The following C10orf90 variants were observed in gnomAD, a reference collection of about 807,000 sequenced individuals.
The protein encoded by C10orf90 is (E2-independent) E3 ubiquitin-conjugating enzyme FATS.
A neutral mutation model predicts 62.5 loss-of-function variants in C10orf90; 56 were observed. The ratio of observed to expected loss-of-function variants is 0.90; its 90% CI spans 0.72 to 1.12. The LOEUF (loss-of-function observed/expected upper bound fraction) is 1.12, where lower values mean the gene tolerates loss of function less well. Ranked by LOEUF, C10orf90 falls within the 50% of genes most tolerant of loss-of-function variation. The pLI is 0.00. For missense variants in C10orf90, 970 were observed against 880.4 expected (o/e 1.10, Z -1.29); for synonymous variants, 386 against 340.4 (o/e 1.13, Z -1.47).
At chr10:126,635,645 C>T (rs1337555218) in intron 2 of C10orf90, among the ~76,000 whole-genome samples, 1 of 152,170 alleles carries the variant, frequency 6.6e-6, no homozygotes, top group African/African-American at 2.4e-5. Context: ...GTCTGCACTC[C>T]CCTCCCAGAC....
chr10:126,555,302 T>C (rs549419836), intron 2 of C10orf90, among the ~76,000 whole-genome samples: 1 of 152,202 alleles, frequency 6.6e-6, no homozygotes, highest in Admixed American at 6.5e-5. Context: ...TAGAGCAGTA[T>C]CCAAGTACTA....
intron 2 of C10orf90, among the ~76,000 whole-genome samples, chr10:126,545,464 T>A (rs368264580): frequency 6.7e-6 from 1 of 150,206 alleles, no homozygotes; most frequent in Non-Finnish European, 1.5e-5. Flanking sequence ...GTCACTGATT[T>A]AAAAAAAAAA....
intron 7 of C10orf90, among the ~76,000 whole-genome samples, chr10:126,437,057 C>T (rs536202751): frequency 6.6e-6 from 1 of 152,272 alleles, no homozygotes; most frequent in African/African-American, 2.4e-5. Flanking sequence ...CACAGGGCAC[C>T]TATCCCCCAA....
intron 7 of C10orf90, among the ~76,000 whole-genome samples, chr10:126,447,296 C>CT (rs1161538484): frequency 6.6e-6 from 1 of 150,784 alleles, no homozygotes; most frequent in African/African-American, 2.4e-5. Context: ...AGGAGACTCA[C>CT]TTTAGCTTTA....
intron 4 of C10orf90, among the ~76,000 whole-genome samples, chr10:126,483,560 A>G (rs1049030699): frequency 8.5e-5 from 13 of 152,216 alleles, no homozygotes; most frequent in East Asian, 1.9e-4. Context: ...CCTAGTCAAC[A>G]TTGTCTGAAA....
chr10:126,460,771 C>T (rs1263904276), intron 6 of C10orf90, among the ~76,000 whole-genome samples: 1 of 152,200 alleles, frequency 6.6e-6, no homozygotes, highest in Admixed American at 6.5e-5. Flanking sequence ...ACAACTGCAA[C>T]TGCAGGGAGA....
intron 4 of C10orf90, among the ~76,000 whole-genome samples, chr10:126,503,752 A>T (rs576939652): frequency 9.9e-5 from 15 of 152,182 alleles, no homozygotes; most frequent in African/African-American, 3.6e-4. Context: ...GGCCTCTTAC[A>T]ATCTACAAAA....
chr10:126,569,674 TG>T (rs1444451419), intron 2 of C10orf90, among the ~76,000 whole-genome samples: 2 of 152,214 alleles, frequency 1.3e-5, no homozygotes, highest in Non-Finnish European at 2.9e-5. Context: ...TGGGATTTAC[TG>T]GAAGTGTGGA....
rs1416214719 is a variant in C10orf90 at position 126,459,227 on chromosome 10, G to A, written c.2011-10C>T. 2 of 1,613,006 alleles carry A rather than the reference G, an allele frequency of 1.2e-6. No homozygotes were observed. The highest frequency in any genetic ancestry group is 1.1e-5 in the South Asian group (1 of 91,090). On this transcript the variant is annotated splice_polypyrimidine_tract_variant and intron_variant, in intron 6 of 9. Coordinates refer to ENST00000488181, the MANE Select transcript of C10orf90 (RefSeq NM_001350921.2). ...GAACTTCCAGTGCTTCCTATGCAAA[G>A]CAAAGAAAATACGTCATTTTTAAGA...
rs1859623839 is a variant in C10orf90, at chr10:126,456,929, T to C, written c.2188+2111A>G. ...CTGTGGAAACCTCGGTTTTGACTTC[T>C]GGCCTCTAGAACTGCAAGAAAGTAA... On this transcript the variant is annotated intron_variant, in intron 7 of 9. Transcript: ENST00000488181. The surrounding 1 kb of genome is among the most constrained non-coding windows in gnomAD (Gnocchi z 4.9). Among the ~76,000 whole-genome samples, 1 of 152,218 alleles carries C rather than the reference T, an allele frequency of 6.6e-6. No individual in the cohort carries two copies. Among genetic ancestry groups the C allele is most frequent in the Non-Finnish European group, 1.5e-5 (1 of 68,036 alleles).
chr10:126,509,488 A>G (rs1862965928), intron 3 of C10orf90, among the ~76,000 whole-genome samples: 1 of 152,238 alleles, frequency 6.6e-6, no homozygotes, highest in African/African-American at 2.4e-5. Flanking sequence ...ATAAATAGAA[A>G]TGACTCATTG....
At chr10:126,502,097 C>T (rs1862434518) in intron 4 of C10orf90, among the ~76,000 whole-genome samples, 1 of 129,374 alleles carries the variant, frequency 7.7e-6, no homozygotes, top group African/African-American at 3.4e-5. Context: ...CACAACCACA[C>T]ACACACCACA....
chr10:126,521,229 G>A (rs1863726102), intron 2 of C10orf90: 5 of 1,546,304 alleles, frequency 3.2e-6, no homozygotes, highest in South Asian at 2.3e-5. Flanking sequence ...GATACTCAGC[G>A]TGGACAGAAT....
At position 126,456,564 on chromosome 10, in the gene C10orf90, G is replaced by A. The variant is rs1176854517; in HGVS notation, c.2188+2476C>T. On this transcript the variant is annotated intron_variant, in intron 7 of 9. Transcript: ENST00000488181. This position sits in a 1 kb window ranked among gnomAD's most constrained non-coding sequence, Gnocchi z 4.9. ...ACCACAGTTGAATGATATAATGAGT[G>A]TAATGATGTCGCCCCAACAAAAAGA... Among the ~76,000 whole-genome samples the A allele has an allele frequency of 6.6e-6, 1 of 152,224 alleles. No individual in the cohort carries two copies. The highest frequency in any genetic ancestry group is 1.5e-5 in the Non-Finnish European group (1 of 68,036).
chr10:126,639,969 G>C (rs761159353), intron 2 of C10orf90, among the ~76,000 whole-genome samples: 1 of 152,156 alleles, frequency 6.6e-6, no homozygotes, highest in African/African-American at 2.4e-5. Flanking sequence ...GAAGCACAGC[G>C]GCTCTTCATA....
chr10:126,513,779 G>T (rs1863273140), intron 3 of C10orf90, 69 bp downstream of exon 3: 1 of 943,456 alleles, frequency 1.1e-6, no homozygotes, highest in Non-Finnish European at 1.7e-6. Flanking sequence ...ATCACAAGTA[G>T]GTCAGTGATT....
chr10:126,581,404 G>A (rs780974365), intron 2 of C10orf90, among the ~76,000 whole-genome samples: 2 of 152,140 alleles, frequency 1.3e-5, no homozygotes, highest in African/African-American at 2.4e-5. Flanking sequence ...GTTTGAGAAC[G>A]GCCCAGTGAC....
chr10:126,470,127 T>C (rs1362533688), intron 4 of C10orf90: 1 of 429,584 alleles, frequency 2.3e-6, no homozygotes. Flanking sequence ...TGTCCTGCAG[T>C]GGAGGAAAAG....
At position 126,637,892 on chromosome 10, in the gene C10orf90, T is replaced by A. The variant is rs75298456; in HGVS notation, c.313+8673A>T. Among the ~76,000 whole-genome samples, 29 of 151,796 alleles carry A rather than the reference T, an allele frequency of 1.9e-4. 1 individual carries two copies. In the East Asian group the frequency reaches 5.6e-3, roughly 29 times the overall value. The stretch of plus-strand genomic sequence containing the variant: ...AGGTCATTCTGGCTGTAGATGGAGA[T>A]GAGAATGAGGAAGGTACAGTTGGGC... On this transcript the variant is annotated intron_variant, in intron 2 of 9. Coordinates refer to ENST00000488181, the MANE Select transcript of C10orf90 (RefSeq NM_001350921.2).
Sources: gnomAD v4.1 joint callset for allele counts (sites outside exome capture counted in the v4.1 genomes callset) on GRCh38, gnomAD v4.1.1 for gene constraint, Gnocchi (gnomAD v3.1) non-coding constraint, MANE v1.5 for transcripts, NCBI Gene and HGNC (gene_info 2026-07-23, HGNC 2026-07-21) for gene names.